Variants in TNR observed in about 807,000 individuals in gnomAD.
The protein encoded by TNR is tenascin-R.
TNR carries 45 observed loss-of-function variants against 150.4 expected under a neutral mutation model. The ratio of observed to expected loss-of-function variants is 0.30; its 90% confidence interval spans 0.24 to 0.38. The LOEUF (loss-of-function observed/expected upper bound fraction) is 0.38. TNR is among the 10% of genes least tolerant of loss of function. TNR has a pLI of 1.00. For synonymous variants in TNR, 687 were observed against 678.4 expected, an observed-to-expected ratio of 1.01 and a Z score of -0.20; for missense variants, 1,544 against 1,759.1, an observed-to-expected ratio of 0.88 and a Z score of 2.19.
At chr1:175,677,690 G>A (rs1285681657) in intron 1 of TNR, among the ~76,000 whole-genome samples, 1 of 152,174 alleles carries the variant, frequency 6.6e-6, no homozygotes, top group Non-Finnish European at 1.5e-5. Context: ...GCAATGGCAG[G>A]CTCAGGCTAG....
At chr1:175,355,687 G>A (rs200633641) in intron 16 of TNR, 54 bp from the exon 17 acceptor site, 3 of 1,606,242 alleles carry the variant, frequency 1.9e-6, no homozygotes, top group Non-Finnish European at 2.6e-6. Context: ...TCCTCCCCCT[G>A]CTTGATTTCA....
At chr1:175,409,297 C>T (rs1032489287) in intron 2 of TNR, among the ~76,000 whole-genome samples, 5 of 152,158 alleles carry the variant, frequency 3.3e-5, no homozygotes, top group African/African-American at 4.8e-5. Flanking sequence ...CATAACACCC[C>T]GTAGCACATA....
At chr1:175,362,161 C>T (rs933283705) in intron 14 of TNR, among the ~76,000 whole-genome samples, 3 of 152,168 alleles carry the variant, frequency 2.0e-5, no homozygotes, top group African/African-American at 7.2e-5. Flanking sequence ...CTGCTTTGGT[C>T]CCGGGTGAGG....
intron 1 of TNR, among the ~76,000 whole-genome samples, chr1:175,671,911 C>CTGTGTGTATGTGTGTG (rs376597060): frequency 0.021 from 2,971 of 142,106 alleles, 55 homozygotes; most frequent in East Asian, 0.094. Flanking sequence ...TGAGCTGTAC[C>CTGTGTGTATGTGTGTG]TGTGTGTGTG....
chr1:175,517,303 A>C (rs1393270062), intron 2 of TNR, among the ~76,000 whole-genome samples: 1 of 152,198 alleles, frequency 6.6e-6, no homozygotes, highest in African/African-American at 2.4e-5. Context: ...GTATTCTAGG[A>C]GTTCTTTTCT....
chr1:175,474,818 A>G (rs1657474626), intron 2 of TNR, among the ~76,000 whole-genome samples: 1 of 152,212 alleles, frequency 6.6e-6, no homozygotes, highest in Non-Finnish European at 1.5e-5. Context: ...TATTTGTTGA[A>G]TGTTACCAAA....
chr1:175,445,265 G>A (rs771905294), intron 2 of TNR, among the ~76,000 whole-genome samples: 12 of 152,070 alleles, frequency 7.9e-5, no homozygotes, highest in Non-Finnish European at 1.3e-4. Flanking sequence ...GCGAGACTCC[G>A]TCTCAAAAAA....
intron 1 of TNR, among the ~76,000 whole-genome samples, chr1:175,677,494 C>T (rs1018292702): frequency 1.3e-5 from 2 of 152,212 alleles, no homozygotes; most frequent in African/African-American, 4.8e-5. Flanking sequence ...ACATCACTCC[C>T]TCCCAGGGCT....
At chr1:175,601,668 C>T (rs1194266192) in intron 1 of TNR, among the ~76,000 whole-genome samples, 1 of 152,146 alleles carries the variant, frequency 6.6e-6, no homozygotes, top group Non-Finnish European at 1.5e-5. Flanking sequence ...CATTGAGAAC[C>T]TGTTGTGTGC....
intron 1 of TNR, among the ~76,000 whole-genome samples, chr1:175,609,769 C>T (rs1663533550): frequency 6.6e-6 from 1 of 152,190 alleles, no homozygotes; most frequent in African/African-American, 2.4e-5. Flanking sequence ...TAAAAGCTGC[C>T]TGATTAGTGC....
intron 20 of TNR, among the ~76,000 whole-genome samples, chr1:175,331,053 CT>C (rs1358244280): frequency 8.8e-6 from 1 of 113,246 alleles, no homozygotes; most frequent in Non-Finnish European, 1.9e-5. Context: ...TTCTTTCTTT[CT>C]TTCTTTCTTT....
At chr1:175,722,143 T>C (rs952879203) in intron 1 of TNR, among the ~76,000 whole-genome samples, 19 of 152,064 alleles carry the variant, frequency 1.2e-4, no homozygotes, top group African/African-American at 4.3e-4. Flanking sequence ...GCAGCTCCCA[T>C]TGCCACCCTC....
chr1:175,348,515 T>G (rs975986630), intron 18 of TNR, among the ~76,000 whole-genome samples: 2 of 152,164 alleles, frequency 1.3e-5, no homozygotes, highest in Non-Finnish European at 2.9e-5. Context: ...TACCATATAT[T>G]AATGTATTAA....
chr1:175,528,911 T>C (rs1025925332), intron 1 of TNR, among the ~76,000 whole-genome samples: 3 of 152,206 alleles, frequency 2.0e-5, no homozygotes, highest in African/African-American at 7.2e-5. Context: ...ACTGCTTTAG[T>C]TCCTGTCCCA....
At chr1:175,621,290 A>G (rs1187232734) in intron 1 of TNR, among the ~76,000 whole-genome samples, 1 of 152,072 alleles carries the variant, frequency 6.6e-6, no homozygotes, top group Non-Finnish European at 1.5e-5. Context: ...CCTGATCAAA[A>G]TCTTCTAATG....
chr1:175,342,426 G>A (rs1650565956), intron 18 of TNR, among the ~76,000 whole-genome samples: 1 of 152,214 alleles, frequency 6.6e-6, no homozygotes, highest in South Asian at 2.1e-4. Context: ...TTTAGCAGGA[G>A]ACAGAGCAAG....
chr1:175,579,381 G>C (rs1008765428), intron 1 of TNR, among the ~76,000 whole-genome samples: 1 of 152,102 alleles, frequency 6.6e-6, no homozygotes, highest in African/African-American at 2.4e-5. Flanking sequence ...CTTGCTGTGG[G>C]CTGGTGAGCA....
intron 1 of TNR, among the ~76,000 whole-genome samples, chr1:175,547,066 T>C (rs1474391359): frequency 6.6e-6 from 1 of 152,228 alleles, no homozygotes; most frequent in African/African-American, 2.4e-5. Flanking sequence ...ATTTAGGAGG[T>C]ACCACTATCC....
intron 1 of TNR, among the ~76,000 whole-genome samples, chr1:175,644,848 C>T (rs1025458007): frequency 6.6e-6 from 1 of 152,258 alleles, no homozygotes. Context: ...CACACATCTT[C>T]TTTCTGTGTC....
Sources: allele counts gnomAD v4.1 joint callset (sites outside exome capture counted in the v4.1 genomes callset), GRCh38; gene constraint gnomAD v4.1.1; transcripts MANE v1.5; gene names NCBI Gene and HGNC (gene_info 2026-07-23, HGNC 2026-07-21).